Variants in SH3GL2 observed in about 807,000 individuals in gnomAD.
SH3GL2 encodes endophilin-A1.
A neutral mutation model predicts 46.0 loss-of-function variants in SH3GL2; 24 were observed. That is an observed-to-expected ratio of 0.52 (90% CI 0.38 to 0.73). The LOEUF (loss-of-function observed/expected upper bound fraction) is 0.73, where lower values mean the gene tolerates loss of function less well. Among genes scored for constraint, SH3GL2 ranks in the 30% least tolerant of loss-of-function variants. SH3GL2 has a pLI of 0.00. For synonymous variants in SH3GL2, 196 were observed against 147.1 expected, an observed-to-expected ratio of 1.33 and a Z score of -2.40; for missense variants, 413 against 424.2, an observed-to-expected ratio of 0.97 and a Z score of 0.23.
intron 1 of SH3GL2, among the ~76,000 whole-genome samples, chr9:17,714,864 T>G (rs1821712625): frequency 6.6e-6 from 1 of 151,850 alleles, no homozygotes; most frequent in African/African-American, 2.4e-5. Context: ...TGGTATCATT[T>G]GTTTTTTGCT....
rs533598340 is a variant in SH3GL2, at chr9:17,746,074, A to G, written c.46-992A>G. Among the ~76,000 whole-genome samples the G allele has an allele frequency of 2.6e-5, 4 of 152,076 alleles. No individual in the cohort carries two copies. In the East Asian group the frequency reaches 5.8e-4, roughly 22 times the overall value. ...TATTTCAGAATATAAAAGTGTATCT[A>G]ATTTTTTTATTTTATTTTTTGAGAC... On this transcript the variant is annotated intron_variant, in intron 1 of 8. Transcript: ENST00000380607.
intron 1 of SH3GL2, among the ~76,000 whole-genome samples, chr9:17,669,230 C>G (rs1383748212): frequency 6.6e-6 from 1 of 152,130 alleles, no homozygotes; most frequent in Non-Finnish European, 1.5e-5. Flanking sequence ...GTATCAAAAC[C>G]AGGATATTGA....
chr9:17,728,352 C>T (rs1294138354), intron 1 of SH3GL2, among the ~76,000 whole-genome samples: 1 of 152,088 alleles, frequency 6.6e-6, no homozygotes, highest in East Asian at 1.9e-4. Flanking sequence ...GCTTTTCCTC[C>T]ATTATTTTGT....
At chr9:17,760,584 C>G (rs3808676) in intron 2 of SH3GL2, among the ~76,000 whole-genome samples, 13,582 of 152,046 alleles carry the variant, frequency 0.089, 770 homozygotes, top group Non-Finnish European at 0.12. Flanking sequence ...GAAAATTTCT[C>G]CAGTGGACTT....
intron 1 of SH3GL2, among the ~76,000 whole-genome samples, chr9:17,579,728 G>C (rs755837874): frequency 9.9e-5 from 15 of 152,274 alleles, no homozygotes; most frequent in Non-Finnish European, 2.1e-4. Flanking sequence ...TGGCCGCACT[G>C]GGGGTGGCGG....
chr9:17,779,127 A>G (rs1477796939), intron 3 of SH3GL2, among the ~76,000 whole-genome samples: 1 of 152,126 alleles, frequency 6.6e-6, no homozygotes, highest in Admixed American at 6.6e-5. Context: ...TTCAGGGCCC[A>G]GGCTTGCTTG....
chr9:17,622,981 C>CTTTCG (rs201159835), intron 1 of SH3GL2, among the ~76,000 whole-genome samples: 4 of 79,574 alleles, frequency 5.0e-5, no homozygotes, highest in African/African-American at 5.0e-5. Context: ...CTTTCGTTTC[C>CTTTCG]TTTCGTTTCC....
chr9:17,582,659 T>C (rs983560022), intron 1 of SH3GL2, among the ~76,000 whole-genome samples: 2 of 152,248 alleles, frequency 1.3e-5, no homozygotes, highest in Non-Finnish European at 2.9e-5. Context: ...CTGGAGCTGC[T>C]GTAACAAAGT....
At chr9:17,605,969 C>G (rs555266389) in intron 1 of SH3GL2, among the ~76,000 whole-genome samples, 1 of 152,152 alleles carries the variant, frequency 6.6e-6, no homozygotes, top group Non-Finnish European at 1.5e-5. Flanking sequence ...AACTCTGACA[C>G]TCTATGCTTG....
At chr9:17,666,128 G>A (rs1180898153) in intron 1 of SH3GL2, among the ~76,000 whole-genome samples, 1 of 151,832 alleles carries the variant, frequency 6.6e-6, no homozygotes, top group Non-Finnish European at 1.5e-5. Context: ...TTTAGTGTTT[G>A]CTTATGGTTC....
intron 1 of SH3GL2, among the ~76,000 whole-genome samples, chr9:17,736,639 T>C (rs2118458805): frequency 6.6e-6 from 1 of 152,302 alleles, no homozygotes; most frequent in Non-Finnish European, 1.5e-5. Context: ...TATGGAGAAC[T>C]GACTATACTG....
At chr9:17,642,527 G>T (rs1329217437) in intron 1 of SH3GL2, among the ~76,000 whole-genome samples, 1 of 152,176 alleles carries the variant, frequency 6.6e-6, no homozygotes, top group African/African-American at 2.4e-5. Flanking sequence ...GTTAATTTTT[G>T]TATAAGTTGT....
chr9:17,633,104 G>C (rs998019242), intron 1 of SH3GL2, among the ~76,000 whole-genome samples: 1 of 152,164 alleles, frequency 6.6e-6, no homozygotes, highest in Non-Finnish European at 1.5e-5. Flanking sequence ...CACTTTGCCA[G>C]CTAAGGCTTT....
At chr9:17,784,692 G>T (rs1047690205) in intron 3 of SH3GL2, among the ~76,000 whole-genome samples, 9 of 152,058 alleles carry the variant, frequency 5.9e-5, no homozygotes, top group Admixed American at 2.0e-4. Flanking sequence ...TAATGATATT[G>T]TTCCCTTAAA....
intron 1 of SH3GL2, among the ~76,000 whole-genome samples, chr9:17,656,832 A>G (rs1318456715): frequency 2.6e-5 from 4 of 151,824 alleles, no homozygotes; most frequent in Non-Finnish European, 4.4e-5. Context: ...TAAATTATAC[A>G]TGTGATTACT....
intron 3 of SH3GL2, among the ~76,000 whole-genome samples, chr9:17,770,199 T>C (rs1410583129): frequency 1.3e-5 from 2 of 152,220 alleles, no homozygotes; most frequent in Non-Finnish European, 2.9e-5. Context: ...CATACTGTCA[T>C]GTATAAAATC....
At chr9:17,584,425 C>A (rs1035780952) in intron 1 of SH3GL2, among the ~76,000 whole-genome samples, 1 of 152,108 alleles carries the variant, frequency 6.6e-6, no homozygotes, top group Admixed American at 6.5e-5. Flanking sequence ...ATTGCCTGAA[C>A]CCAGGAGGCC....
intron 1 of SH3GL2, among the ~76,000 whole-genome samples, chr9:17,722,493 T>G (rs2118352236): frequency 6.6e-6 from 1 of 152,134 alleles, no homozygotes; most frequent in East Asian, 1.9e-4. Context: ...GCAATGAGTG[T>G]GCAGTAAAAT....
At chr9:17,707,959 A>G (rs1397218682) in intron 1 of SH3GL2, among the ~76,000 whole-genome samples, 1 of 152,108 alleles carries the variant, frequency 6.6e-6, no homozygotes, top group Non-Finnish European at 1.5e-5. Context: ...ACATGTTCAC[A>G]CTTGTCCTCT....
Sources: allele counts gnomAD v4.1 joint callset (sites outside exome capture counted in the v4.1 genomes callset), GRCh38; gene constraint gnomAD v4.1.1; transcripts MANE v1.5; gene names NCBI Gene and HGNC (gene_info 2026-07-23, HGNC 2026-07-21).